Variants in WNK3 observed in about 807,000 individuals in gnomAD.
The protein encoded by WNK3 is serine/threonine-protein kinase WNK3.
Under a neutral mutation model 116.7 loss-of-function variants are expected in WNK3, and 18 were observed. The observed-to-expected ratio is 0.15, with a 90% CI of 0.11 to 0.23. The LOEUF (loss-of-function observed/expected upper bound fraction) is 0.23. WNK3 is among the 10% of genes least tolerant of loss of function. The probability of loss-of-function intolerance (pLI) is 1.00; values close to 1 mark genes in which losing one functional copy is unlikely to be tolerated. For synonymous variants in WNK3, 404 were observed against 469.4 expected, an observed-to-expected ratio of 0.86 and a Z score of 1.80; for missense variants, 993 against 1,323.8, an observed-to-expected ratio of 0.75 and a Z score of 3.88.
intron 22 of WNK3, among the ~76,000 whole-genome samples, chrX:54,217,490 C>T (rs1273942837): frequency 9.3e-6 from 1 of 107,434 alleles, no homozygotes; most frequent in East Asian, 2.9e-4. Context: ...GGTGTGGTGG[C>T]GTGTGCCTGT....
intron 22 of WNK3, among the ~76,000 whole-genome samples, chrX:54,213,144 C>T (rs1368944083): frequency 1.8e-5 from 2 of 110,072 alleles, no homozygotes; most frequent in African/African-American, 3.3e-5. Flanking sequence ...CCATGACGGG[C>T]TAATTTTTTT....
At chrX:54,333,030 C>A (rs2069190957) in intron 2 of WNK3, 107 bp downstream of exon 2, 2 of 556,336 alleles carry the variant, frequency 3.6e-6, no homozygotes, top group Non-Finnish European at 5.7e-6. Flanking sequence ...GGGGGACAAG[C>A]CCTTTATTTT....
Position 54,224,333 on chromosome X carries a change from C to T in WNK3, c.4870+4381G>A, listed in dbSNP as rs1391389082. On this transcript the variant is annotated intron_variant, in intron 22 of 23. Transcript: ENST00000354646. ...CGTCATTGCACTCCAGCCTGGGCAA[C>T]AAGAGCGAAACTCCATCTAAAAAAA... 2.0e-5 allele frequency among the ~76,000 whole-genome samples: 2 copies of T among 100,739 alleles called. 1 individual carries two copies. Among genetic ancestry groups the T allele is most frequent in the Non-Finnish European group, 4.0e-5 (2 of 50,007 alleles). The allele number at this position is 100,739 out of a possible 115,157, so 87.5% of individuals were successfully genotyped here.
At chrX:54,342,637 T>A (rs1159188304) in intron 1 of WNK3, among the ~76,000 whole-genome samples, 2 of 110,279 alleles carry the variant, frequency 1.8e-5, no homozygotes, top group African/African-American at 3.3e-5. Flanking sequence ...ATATGCCTTT[T>A]AAAAACTATA....
chrX:54,246,905 G>C (rs2068079358), intron 17 of WNK3, among the ~76,000 whole-genome samples: 1 of 110,981 alleles, frequency 9.0e-6, no homozygotes, highest in Admixed American at 9.7e-5. Context: ...ACCTACAAAT[G>C]AATGATAAAC....
At chrX:54,256,812 A>G (rs1266293487) in intron 11 of WNK3, among the ~76,000 whole-genome samples, 2 of 112,570 alleles carry the variant, frequency 1.8e-5, no homozygotes, top group Non-Finnish European at 3.7e-5. Flanking sequence ...TACTGCCCTT[A>G]AGAGTTTTTT....
At chrX:54,258,416 C>T (rs1258818832) in intron 11 of WNK3, among the ~76,000 whole-genome samples, 1 of 109,496 alleles carries the variant, frequency 9.1e-6, no homozygotes, top group African/African-American at 3.3e-5. Context: ...TCACTGCAAC[C>T]TCTGCCTCCT....
chrX:54,281,418 G>C (rs1197346387), intron 10 of WNK3, among the ~76,000 whole-genome samples: 2 of 111,442 alleles, frequency 1.8e-5, no homozygotes, highest in African/African-American at 6.5e-5. Flanking sequence ...CCAGGAGGCA[G>C]AGGTTGTGTG....
chrX:54,267,283 G>A (rs1440243082), intron 10 of WNK3, among the ~76,000 whole-genome samples: 2 of 110,089 alleles, frequency 1.8e-5, no homozygotes, highest in Admixed American at 9.7e-5. Flanking sequence ...GCCTTGGCTG[G>A]TGTCAAACTT....
At chrX:54,229,502 T>A (rs187223229) in intron 21 of WNK3, among the ~76,000 whole-genome samples, 2 of 110,166 alleles carry the variant, frequency 1.8e-5, no homozygotes, top group African/African-American at 3.3e-5. Flanking sequence ...TTAGATATAG[T>A]CAAGCTGATT....
At chrX:54,193,590 T>C (rs1201547479) in exon 24 of WNK3, 1 of 110,936 alleles carries the variant, frequency 9.0e-6, no homozygotes, top group Non-Finnish European at 1.9e-5. Flanking sequence ...TAGTTGAAAA[T>C]AACTTTAGTG....
At position 54,291,309 on chromosome X, in the gene WNK3, T is replaced by C. The variant is rs368604081; in HGVS notation, c.2037+1579A>G. On this transcript the variant is annotated intron_variant, in intron 10 of 23. Transcript: ENST00000354646. ...GCCTGGGCGACATAATGAGACTCCA[T>C]CTCAAAAAAAACAAAACAAAACGAA... 2.5e-3 allele frequency among the ~76,000 whole-genome samples: 275 copies of C among 110,126 alleles called. 1 individual carries two copies. The highest frequency in any genetic ancestry group is 8.6e-3 in the African/African-American group (261 of 30,366).
Position 54,313,735 on chromosome X carries a change from CAT to C in WNK3, c.538-2446_538-2445del, listed in dbSNP as rs782110190. On this transcript the variant is annotated intron_variant, in intron 2 of 23. Transcript: ENST00000354646. ...TACATGAAATTTCCCACTACAAATA[CAT>C]GTTTGCTTTTTTGAAAATGCTATTA... Among the ~76,000 whole-genome samples, 732 of 112,089 alleles carry C rather than the reference CAT, an allele frequency of 6.5e-3. 4 individuals carry two copies. Among genetic ancestry groups the C allele is most frequent in the African/African-American group, 0.023 (711 of 30,908 alleles).
intron 22 of WNK3, among the ~76,000 whole-genome samples, chrX:54,217,932 C>T (rs1267120812): frequency 9.0e-6 from 1 of 111,327 alleles, no homozygotes; most frequent in African/African-American, 3.3e-5. Context: ...TTAAAATGTC[C>T]AGTTTGCACC....
intron 1 of WNK3, among the ~76,000 whole-genome samples, chrX:54,355,289 C>G (rs2069578489): frequency 9.0e-6 from 1 of 111,216 alleles, no homozygotes; most frequent in Non-Finnish European, 1.9e-5. Flanking sequence ...ATATGAAGAT[C>G]AACAATGGTC....
At chrX:54,263,110 C>A (rs2068274581) in intron 10 of WNK3, among the ~76,000 whole-genome samples, 2 of 110,015 alleles carry the variant, frequency 1.8e-5, no homozygotes, top group African/African-American at 6.6e-5. Flanking sequence ...TCCACCACTC[C>A]TCTCCTCCTC....
At chrX:54,352,947 C>T (rs2069537801) in intron 1 of WNK3, among the ~76,000 whole-genome samples, 1 of 111,894 alleles carries the variant, frequency 8.9e-6, no homozygotes, top group African/African-American at 3.2e-5. Context: ...ATCTCAAAAA[C>T]ATGCTGAGTG....
At chrX:54,292,864 C>A in intron 10 of WNK3, 24 bp downstream of exon 10, 1 of 1,197,322 alleles carries the variant, frequency 8.4e-7, no homozygotes, top group Non-Finnish European at 1.1e-6. Context: ...TAAATGAATA[C>A]AGAACCTCTA....
chrX:54,213,565 C>CAAAAAAAAAAAAAAAAA (rs782750356), intron 22 of WNK3, among the ~76,000 whole-genome samples: 1 of 25,329 alleles, frequency 3.9e-5, no homozygotes, highest in African/African-American at 1.3e-4. Context: ...AAAAAAAAAA[C>CAAAAAAAAAAAAAAAAA]AAACAAAAAA....
Sources: allele counts gnomAD v4.1 joint callset (sites outside exome capture counted in the v4.1 genomes callset), GRCh38; gene constraint gnomAD v4.1.1; transcripts MANE v1.5; gene names NCBI Gene and HGNC (gene_info 2026-07-23, HGNC 2026-07-21).